PTPRD: variants seen among roughly 807,000 people sequenced by gnomAD.
PTPRD encodes the protein protein tyrosine phosphatase receptor type D, also known as receptor-type tyrosine-protein phosphatase delta.
In PTPRD, 34 loss-of-function variants were observed where a neutral mutation model predicts 214.5. The observed-to-expected ratio is 0.16, with a 90% CI of 0.12 to 0.21. The LOEUF is 0.21. Ranked by LOEUF, PTPRD falls within the 10% of genes least tolerant of loss-of-function variation. The pLI is 1.00. For synonymous variants in PTPRD, 1,128 were observed against 845.7 expected (o/e 1.33, Z -5.79); for missense variants, 2,545 against 2,398.7 (o/e 1.06, Z -1.27).
intron 39 of PTPRD, among the ~76,000 whole-genome samples, chr9:8,372,202 G>A (rs926720211): frequency 3.3e-5 from 5 of 151,944 alleles, no homozygotes; most frequent in African/African-American, 1.2e-4. Flanking sequence ...TGATTTGGAT[G>A]TTTATAAACA....
chr9:9,380,850 T>C (rs1447074370), intron 9 of PTPRD, among the ~76,000 whole-genome samples: 1 of 152,194 alleles, frequency 6.6e-6, no homozygotes, highest in Admixed American at 6.6e-5. Context: ...CTTGTATTAA[T>C]AGTTTAACAC....
At chr9:8,454,718 G>C (rs1021625309) in intron 33 of PTPRD, 1 of 996,320 alleles carries the variant, frequency 1.0e-6, no homozygotes, top group South Asian at 1.4e-5. Flanking sequence ...ACACATAACT[G>C]ACATACATTC....
chr9:10,358,687 A>G (rs1009767877), intron 2 of PTPRD, among the ~76,000 whole-genome samples: 1 of 151,972 alleles, frequency 6.6e-6, no homozygotes, highest in African/African-American at 2.4e-5. Flanking sequence ...TAAGAAAAGT[A>G]CACATATATA....
At chr9:8,479,955 G>T (rs1348596739) in intron 30 of PTPRD, among the ~76,000 whole-genome samples, 4 of 151,946 alleles carry the variant, frequency 2.6e-5, no homozygotes, top group African/African-American at 9.7e-5. Flanking sequence ...CCTTCAGGAG[G>T]CCTCCCCTGA....
chr9:8,891,188 C>G (rs758707037), intron 11 of PTPRD, among the ~76,000 whole-genome samples: 3 of 145,288 alleles, frequency 2.1e-5, no homozygotes, highest in Non-Finnish European at 4.5e-5. Flanking sequence ...GGCTGGAGTG[C>G]AGTGGTGCGA....
chr9:8,509,547 G>C (rs1263279328), intron 21 of PTPRD, among the ~76,000 whole-genome samples: 3 of 152,142 alleles, frequency 2.0e-5, no homozygotes, highest in Non-Finnish European at 2.9e-5. Context: ...CAACACTGAA[G>C]GGCTGCTCTC....
chr9:9,578,787 T>C (rs951841741), intron 7 of PTPRD, among the ~76,000 whole-genome samples: 4 of 152,022 alleles, frequency 2.6e-5, no homozygotes. Context: ...TACAAAAAAA[T>C]CTTACTATCA....
At chr9:10,191,943 T>C (rs1166636980) in intron 3 of PTPRD, among the ~76,000 whole-genome samples, 1 of 152,188 alleles carries the variant, frequency 6.6e-6, no homozygotes, top group Non-Finnish European at 1.5e-5. Flanking sequence ...GAACGGTGTG[T>C]CTGCAAAGCT....
At chr9:10,593,719 T>C (rs1482313239) in intron 2 of PTPRD, among the ~76,000 whole-genome samples, 7 of 151,988 alleles carry the variant, frequency 4.6e-5, no homozygotes, top group Non-Finnish European at 1.0e-4. Flanking sequence ...TTTATCTTGA[T>C]CCAGAGAAAT....
At chr9:10,405,311 G>A (rs767393923) in intron 2 of PTPRD, among the ~76,000 whole-genome samples, 12 of 151,666 alleles carry the variant, frequency 7.9e-5, no homozygotes, top group South Asian at 4.1e-4. Flanking sequence ...TAAGTTTTTC[G>A]TTTAAAATAA....
chr9:9,888,558 G>A (rs945932268), intron 5 of PTPRD, among the ~76,000 whole-genome samples: 4 of 151,988 alleles, frequency 2.6e-5, no homozygotes, highest in African/African-American at 9.7e-5. Flanking sequence ...CGAGCTCCTG[G>A]GAGAGCCAAT....
At chr9:10,299,722 C>G (rs1446769312) in intron 3 of PTPRD, among the ~76,000 whole-genome samples, 3 of 152,078 alleles carry the variant, frequency 2.0e-5, no homozygotes, top group Non-Finnish European at 4.4e-5. Context: ...GTTTTTATAG[C>G]TGGAAGCAGA....
At chr9:8,441,570 C>T (rs188137210) in intron 34 of PTPRD, among the ~76,000 whole-genome samples, 1 of 151,918 alleles carries the variant, frequency 6.6e-6, no homozygotes, top group East Asian at 1.9e-4. Flanking sequence ...ACAAAACCTT[C>T]TTTAATCTGT....
intron 8 of PTPRD, among the ~76,000 whole-genome samples, chr9:9,555,269 G>A (rs182084552): frequency 1.3e-5 from 2 of 152,050 alleles, no homozygotes; most frequent in East Asian, 3.9e-4. Flanking sequence ...GCAGATATAT[G>A]GCCACAGTCT....
Position 8,528,627 on chromosome 9 carries a change from T to C in PTPRD, c.505A>G (p.Ser169Gly), listed in dbSNP as rs1285772951. Reference protein sequence around the residue: ...WFKDFLPVDTSNNNGRIKQLR... With the variant: ...WFKDFLPVDTGNNNGRIKQLR... ...TGCTTAATACGACCATTGTTGTTGC[T>C]TGTGTCCACAGGTAAGAAATCTTTA... The change falls in exon 15 of 46, where the codon AGC (serine) becomes GGC (glycine). Residue 169 changes from serine (S) to glycine (G), a missense_variant. By Grantham distance (56) the Ser-to-Gly change is moderately conservative. Coordinates refer to ENST00000381196, the MANE Select transcript of PTPRD (RefSeq NM_002839.4). 3 of 1,613,632 alleles carry C rather than the reference T, an allele frequency of 1.9e-6. No homozygotes were observed. The South Asian group carries it at 3.3e-5, about 18-fold the overall frequency.
Position 8,504,387 on chromosome 9 carries a change from G to C in PTPRD, c.1696C>G (p.Pro566Ala), listed in dbSNP as rs766752448. The C allele has an allele frequency of 1.4e-5, 23 of 1,613,922 alleles. No individual in the cohort carries two copies. The highest frequency in any genetic ancestry group is 6.7e-5 in the Admixed American group (4 of 59,986). The change falls in exon 23 of 46, where the codon CCA becomes GCA. Residue 566 changes from proline (P) to alanine (A), a missense_variant. Pro to Ala is a conservative substitution (Grantham distance 27, BLOSUM62 -1). Coordinates refer to ENST00000381196, the MANE Select transcript of PTPRD (RefSeq NM_002839.4). Reference protein sequence around the residue: ...HGEEQRITIEPGTSYRLQGLK... With the variant: ...HGEEQRITIEAGTSYRLQGLK... ...CCTTGCAGCCTATATGATGTCCCTG[G>C]CTCAATGGTAATTCGTTGCTGGAAG... is the stretch of plus-strand genomic sequence containing the variant.
intron 11 of PTPRD, among the ~76,000 whole-genome samples, chr9:8,996,878 G>T (rs549744456): frequency 1.9e-4 from 29 of 152,144 alleles, no homozygotes; most frequent in Admixed American, 1.8e-3. Flanking sequence ...ATAGCAGAGG[G>T]TGATGGAATT....
chr9:9,220,485 G>A (rs2099955209), intron 9 of PTPRD, among the ~76,000 whole-genome samples: 1 of 151,808 alleles, frequency 6.6e-6, no homozygotes. Flanking sequence ...CCTCCTTTGT[G>A]CATTGGGGAT....
chr9:9,849,250 A>C (rs2060103825), intron 5 of PTPRD, among the ~76,000 whole-genome samples: 1 of 152,080 alleles, frequency 6.6e-6, no homozygotes, highest in South Asian at 2.1e-4. Context: ...GAGAGAATGT[A>C]CAAGCTGTAT....
Sources: allele counts gnomAD v4.1 joint callset (sites outside exome capture counted in the v4.1 genomes callset), GRCh38; gene constraint gnomAD v4.1.1; transcripts MANE v1.5; gene names NCBI Gene and HGNC (gene_info 2026-07-23, HGNC 2026-07-21).